The following CHRM3 variants were observed in gnomAD, a reference collection of about 807,000 sequenced individuals.
The protein encoded by CHRM3 is muscarinic acetylcholine receptor M3.
CHRM3 carries 11 observed loss-of-function variants against 41.8 expected under a neutral mutation model. The ratio of observed to expected loss-of-function variants is 0.26; its 90% CI spans 0.17 to 0.44. The LOEUF (loss-of-function observed/expected upper bound fraction) is 0.44. Ranked by LOEUF, CHRM3 falls within the 20% of genes least tolerant of loss-of-function variation. The pLI, the probability that CHRM3 is intolerant of heterozygous loss-of-function variation, is 1.00. For missense variants in CHRM3, 571 were observed against 745.4 expected (o/e 0.77, Z 2.72); for synonymous variants, 297 against 301.4 (o/e 0.99, Z 0.15).
At chr1:239,839,802 G>A (rs965445848) in intron 6 of CHRM3, among the ~76,000 whole-genome samples, 5 of 151,292 alleles carry the variant, frequency 3.3e-5, no homozygotes, top group Non-Finnish European at 5.9e-5. Flanking sequence ...TGGCGGGGCG[G>A]GGGGGGAGCG....
rs1679297749 is a variant in CHRM3 at position 239,899,359 on chromosome 1, A to G, written c.-19-8074A>G. Among the ~76,000 whole-genome samples, 5 of 151,018 alleles carry G rather than the reference A, an allele frequency of 3.3e-5. No individual in the cohort carries two copies. The South Asian group carries it at 8.4e-4, about 25-fold the overall frequency. On this transcript the variant is annotated intron_variant, in intron 6 of 6. Coordinates refer to ENST00000676153, the MANE Select transcript of CHRM3 (RefSeq NM_001375978.1). ...TTGAATTTAGTGTGTGTGTATATAT[A>G]CATAAATACATATATACATATATAA...
chr1:239,391,931 G>C (rs1395857054), intron 1 of CHRM3, among the ~76,000 whole-genome samples: 1 of 152,126 alleles, frequency 6.6e-6, no homozygotes, highest in Non-Finnish European at 1.5e-5. Flanking sequence ...TGCAGAGTCT[G>C]TCCTAACCCT....
At chr1:239,782,104 G>A (rs191003475) in intron 5 of CHRM3, among the ~76,000 whole-genome samples, 2 of 151,966 alleles carry the variant, frequency 1.3e-5, no homozygotes, top group African/African-American at 2.4e-5. Flanking sequence ...TCTAGTTTTG[G>A]TATTAGGATA....
chr1:239,877,426 A>G (rs949189470), intron 6 of CHRM3, among the ~76,000 whole-genome samples: 2 of 2,302 alleles, frequency 8.7e-4, no homozygotes, highest in African/African-American at 9.0e-4. Flanking sequence ...TATAAAAATA[A>G]AAAAAAAAAG....
intron 5 of CHRM3, among the ~76,000 whole-genome samples, chr1:239,759,189 T>G (rs1255983577): frequency 1.7e-4 from 23 of 134,298 alleles, no homozygotes; most frequent in South Asian, 2.6e-4. Flanking sequence ...TTTGTTTTTT[T>G]TTTTTTTAGA....
At chr1:239,806,049 C>T (rs904159262) in intron 5 of CHRM3, among the ~76,000 whole-genome samples, 7 of 152,160 alleles carry the variant, frequency 4.6e-5, no homozygotes, top group African/African-American at 1.7e-4. Context: ...GGAACCCAGC[C>T]GGCTCAGACA....
At chr1:239,699,988 A>G (rs773990784) in intron 5 of CHRM3, among the ~76,000 whole-genome samples, 1 of 152,126 alleles carries the variant, frequency 6.6e-6, no homozygotes, top group Non-Finnish European at 1.5e-5. Context: ...TTTTCATTCT[A>G]TTCAGCAGGA....
At chr1:239,679,883 AGTCCTTCACAGTC>A (rs1658389344) in intron 5 of CHRM3, among the ~76,000 whole-genome samples, 1 of 152,132 alleles carries the variant, frequency 6.6e-6, no homozygotes, top group South Asian at 2.1e-4. Context: ...TAACCCATCC[AGTCCTTCACAGTC>A]CGCTCTGAGC....
chr1:239,696,569 A>G (rs547548265), intron 5 of CHRM3, among the ~76,000 whole-genome samples: 1 of 152,290 alleles, frequency 6.6e-6, no homozygotes, highest in South Asian at 2.1e-4. Context: ...TTGAACAATA[A>G]AATACATGGA....
At chr1:239,541,246 T>C (rs10925908) in intron 2 of CHRM3, among the ~76,000 whole-genome samples, 104,402 of 151,832 alleles carry the variant, frequency 0.69, 39,407 homozygotes, top group Non-Finnish European at 0.83. Context: ...AAAAAAATTC[T>C]CTATTTTTTT....
chr1:239,857,020 C>T (rs190891731), intron 6 of CHRM3, among the ~76,000 whole-genome samples: 1 of 152,262 alleles, frequency 6.6e-6, no homozygotes, highest in Admixed American at 6.5e-5. Flanking sequence ...CCAGTGAATA[C>T]TTGTATTCTT....
chr1:239,404,336 GAAAGAA>G (rs1349611049), intron 1 of CHRM3, among the ~76,000 whole-genome samples: 3 of 132,168 alleles, frequency 2.3e-5, no homozygotes, highest in Non-Finnish European at 3.2e-5. Flanking sequence ...AAGGAAGGAA[GAAAGAA>G]AGAGAAAGAG....
In CHRM3 at chr1:239,760,942, T is replaced by C. The variant is rs950094693; in HGVS notation, c.-146-66310T>C. Among the ~76,000 whole-genome samples the C allele has an allele frequency of 2.0e-4, 31 of 151,972 alleles. 1 individual carries two copies. The highest frequency in any genetic ancestry group is 2.9e-5 in the Non-Finnish European group (2 of 68,004). On this transcript the variant is annotated intron_variant, in intron 5 of 6. Coordinates refer to ENST00000676153, the MANE Select transcript of CHRM3 (RefSeq NM_001375978.1). ...ATTTGGAGATTTTTCAGATGTTTGT[T>C]TGTCTTCAGATATCTTATCTGTTTT... is the stretch of plus-strand genomic sequence containing the variant.
intron 5 of CHRM3, among the ~76,000 whole-genome samples, chr1:239,735,660 T>C (rs1384133618): frequency 2.6e-5 from 4 of 152,170 alleles, no homozygotes; most frequent in African/African-American, 4.8e-5. Flanking sequence ...TGACCATCTG[T>C]AGTATGTTAT....
At chr1:239,394,669 G>A (rs913906470) in intron 1 of CHRM3, among the ~76,000 whole-genome samples, 3 of 152,120 alleles carry the variant, frequency 2.0e-5, no homozygotes, top group Non-Finnish European at 2.9e-5. Flanking sequence ...CACCAGGGGG[G>A]TCATTCCATT....
At chr1:239,575,325 T>C (rs936740094) in intron 3 of CHRM3, among the ~76,000 whole-genome samples, 1 of 151,856 alleles carries the variant, frequency 6.6e-6, no homozygotes, top group East Asian at 1.9e-4. Flanking sequence ...GCCTAAAGGG[T>C]TGTTGAGGGT....
chr1:239,431,972 T>C (rs1662869851), intron 1 of CHRM3, among the ~76,000 whole-genome samples: 6 of 152,008 alleles, frequency 3.9e-5, no homozygotes, highest in Admixed American at 3.9e-4. Context: ...GGAACCAGGC[T>C]CCCAGGTGTT....
At chr1:239,589,390 T>G (rs1663816450) in intron 3 of CHRM3, among the ~76,000 whole-genome samples, 1 of 151,636 alleles carries the variant, frequency 6.6e-6, no homozygotes, top group Admixed American at 6.6e-5. Context: ...CCAAAGATAA[T>G]TTAAGATGCT....
intron 5 of CHRM3, among the ~76,000 whole-genome samples, chr1:239,702,428 G>C (rs1660769739): frequency 6.6e-6 from 1 of 152,108 alleles, no homozygotes; most frequent in South Asian, 2.1e-4. Context: ...CTCCCTCTGG[G>C]TGCTACTCTG....
Sources: gnomAD v4.1 joint callset for allele counts (sites outside exome capture counted in the v4.1 genomes callset) on GRCh38, gnomAD v4.1.1 for gene constraint, MANE v1.5 for transcripts, NCBI Gene and HGNC (gene_info 2026-07-23, HGNC 2026-07-21) for gene names.